Variants in DMD observed in about 807,000 individuals in gnomAD.
The protein encoded by DMD is dystrophin.
A neutral mutation model predicts 330.1 loss-of-function variants in DMD; 63 were observed. The observed-to-expected ratio is 0.19, with a 90% CI of 0.16 to 0.24. The LOEUF (loss-of-function observed/expected upper bound fraction) is 0.24, where lower values mean the gene tolerates loss of function less well. Ranked by LOEUF, DMD falls within the 10% of genes least tolerant of loss-of-function variation. DMD has a pLI of 1.00. For synonymous variants in DMD, 1,223 were observed against 959.8 expected, an observed-to-expected ratio of 1.27 and a Z score of -5.07; for missense variants, 3,344 against 2,684.1, an observed-to-expected ratio of 1.25 and a Z score of -5.43.
At chrX:31,817,116 C>T (rs2092650902) in intron 50 of DMD, among the ~76,000 whole-genome samples, 1 of 111,365 alleles carries the variant, frequency 9.0e-6, no homozygotes, top group Non-Finnish European at 1.9e-5. Flanking sequence ...TAAAAATTAT[C>T]TATATGTTCT....
chrX:31,426,332 C>A (rs140985974), intron 60 of DMD, among the ~76,000 whole-genome samples: 2,936 of 111,837 alleles, frequency 0.026, 39 homozygotes, highest in Middle Eastern at 0.041. Context: ...AACTTAAGAA[C>A]TTTAAAGTCA....
At chrX:31,201,189 ACACACACACG>A (rs1324182564) in intron 67 of DMD, among the ~76,000 whole-genome samples, 1 of 107,985 alleles carries the variant, frequency 9.3e-6, no homozygotes, top group African/African-American at 3.4e-5. Context: ...ACACACACAC[ACACACACACG>A]CACACACACA....
intron 1 of DMD, among the ~76,000 whole-genome samples, chrX:33,133,336 GAAGT>G (rs780984245): frequency 1.2e-4 from 13 of 111,615 alleles, no homozygotes; most frequent in East Asian, 5.6e-4. Flanking sequence ...GAATAAATTG[GAAGT>G]AAGTCCATTA....
At chrX:32,016,934 G>A (rs1430729316) in intron 44 of DMD, among the ~76,000 whole-genome samples, 1 of 112,442 alleles carries the variant, frequency 8.9e-6, no homozygotes, top group Non-Finnish European at 1.9e-5. Context: ...AAATACTAAC[G>A]TCGAGTGCAA....
chrX:31,504,981 A>G (rs1379993030), intron 56 of DMD, among the ~76,000 whole-genome samples: 1 of 112,118 alleles, frequency 8.9e-6, no homozygotes, highest in East Asian at 2.8e-4. Flanking sequence ...AACTGCTGAG[A>G]ATGAAGAGTC....
intron 55 of DMD, among the ~76,000 whole-genome samples, chrX:31,608,220 A>C (rs1800456336): frequency 8.9e-6 from 1 of 111,892 alleles, no homozygotes; most frequent in African/African-American, 3.2e-5. Flanking sequence ...CTGGAAATTC[A>C]TGAAGGATTA....
At chrX:31,672,217 T>A (rs2081845127) in intron 53 of DMD, among the ~76,000 whole-genome samples, 1 of 112,053 alleles carries the variant, frequency 8.9e-6, no homozygotes, top group Non-Finnish European at 1.9e-5. Context: ...CAAATTTACA[T>A]CTGTTACTGA....
At chrX:31,432,856 A>C (rs1341366176) in intron 60 of DMD, among the ~76,000 whole-genome samples, 1 of 112,276 alleles carries the variant, frequency 8.9e-6, no homozygotes, top group Admixed American at 9.4e-5. Flanking sequence ...AGTAGATTCA[A>C]TTGTTTTCTT....
At chrX:33,255,483 T>A (rs934403438) in intron 1 of DMD, among the ~76,000 whole-genome samples, 1 of 111,087 alleles carries the variant, frequency 9.0e-6, no homozygotes, top group African/African-American at 3.2e-5. Flanking sequence ...ATAAATCGGA[T>A]TTATATAATC....
At chrX:32,783,080 CACATAT>C (rs1243997149) in intron 7 of DMD, among the ~76,000 whole-genome samples, 2 of 101,375 alleles carry the variant, frequency 2.0e-5, no homozygotes, top group Non-Finnish European at 4.0e-5. Context: ...TATATACACA[CACATAT>C]ACATATATGG....
At chrX:32,987,115 G>T (rs2092863801) in intron 2 of DMD, among the ~76,000 whole-genome samples, 1 of 111,669 alleles carries the variant, frequency 9.0e-6, no homozygotes, top group African/African-American at 3.3e-5. Flanking sequence ...GGGACCTAAG[G>T]ATCAAGATCA....
At chrX:32,543,375 AT>A (rs2048670831) in intron 17 of DMD, among the ~76,000 whole-genome samples, 1 of 110,752 alleles carries the variant, frequency 9.0e-6, no homozygotes, top group Non-Finnish European at 1.9e-5. Context: ...ACAGGAGCCA[AT>A]AATAAGCTTT....
At chrX:31,421,913 A>T in intron 60 of DMD, among the ~76,000 whole-genome samples, 1 of 83,137 alleles carries the variant, frequency 1.2e-5, no homozygotes, top group African/African-American at 6.0e-5. Context: ...ACACACACAC[A>T]CATATATATA....
chrX:31,612,798 C>T (rs891352536), intron 55 of DMD, among the ~76,000 whole-genome samples: 57 of 112,081 alleles, frequency 5.1e-4, no homozygotes, highest in African/African-American at 1.7e-3. Context: ...AGGTATTTAT[C>T]GTGCTTAAGA....
At chrX:31,163,874 C>T (rs748388641) in intron 74 of DMD, among the ~76,000 whole-genome samples, 4 of 111,567 alleles carry the variant, frequency 3.6e-5, no homozygotes, top group Non-Finnish European at 5.6e-5. Flanking sequence ...GAACACTGCA[C>T]GACACTGTGT....
chrX:32,678,074 T>G (rs764935517), intron 9 of DMD, among the ~76,000 whole-genome samples: 31 of 111,759 alleles, frequency 2.8e-4, no homozygotes, highest in Admixed American at 2.1e-3. Context: ...AATCAGAGAT[T>G]AGAGTGGTGG....
chrX:32,758,169 G>A (rs2071754888), intron 7 of DMD, among the ~76,000 whole-genome samples: 1 of 111,759 alleles, frequency 8.9e-6, no homozygotes, highest in South Asian at 3.7e-4. Context: ...TAGTTTCTTT[G>A]ATAATCAGCC....
At chrX:32,417,961 A>AG (rs1390332942) in intron 29 of DMD, among the ~76,000 whole-genome samples, 1 of 110,576 alleles carries the variant, frequency 9.0e-6, no homozygotes, top group African/African-American at 3.3e-5. Flanking sequence ...GTTAAAAAAA[A>AG]AAAAAAGAAA....
At chrX:32,504,161 C>T (rs182543785) in intron 18 of DMD, among the ~76,000 whole-genome samples, 1 of 112,007 alleles carries the variant, frequency 8.9e-6, no homozygotes, top group East Asian at 2.8e-4. Flanking sequence ...AACCTTACAC[C>T]CTTCTTTTGT....
Sources: gnomAD v4.1 joint callset for allele counts (sites outside exome capture counted in the v4.1 genomes callset) on GRCh38, gnomAD v4.1.1 for gene constraint, MANE v1.5 for transcripts, NCBI Gene and HGNC (gene_info 2026-07-23, HGNC 2026-07-21) for gene names.